PARVB: variants seen among roughly 807,000 people sequenced by gnomAD.
The protein encoded by PARVB is beta-parvin.
A neutral mutation model predicts 47.0 loss-of-function variants in PARVB; 46 were observed. That is an observed-to-expected ratio of 0.98 (90% CI 0.77 to 1.25). The LOEUF (loss-of-function observed/expected upper bound fraction) is 1.25. Ranked by LOEUF, PARVB falls within the 50% of genes most tolerant of loss-of-function variation. PARVB has a pLI of 0.00. For missense variants in PARVB, 473 were observed against 471.6 expected, an observed-to-expected ratio of 1.00 and a Z score of -0.03; for synonymous variants, 196 against 196.3, an observed-to-expected ratio of 1.00 and a Z score of 0.01.
chr22:44,060,183 G>A (rs1391283698), intron 1 of PARVB, among the ~76,000 whole-genome samples: 3 of 152,182 alleles, frequency 2.0e-5, no homozygotes, highest in East Asian at 1.9e-4. Flanking sequence ...GGGTGTGGTG[G>A]CAGCCACCTG....
At chr22:44,164,417 C>CG (rs1194120879) in intron 12 of PARVB, among the ~76,000 whole-genome samples, 2 of 143,292 alleles carry the variant, frequency 1.4e-5, no homozygotes, top group African/African-American at 6.0e-5. Flanking sequence ...TGTCCCCCCC[C>CG]CGGCTCCTGT....
chr22:44,082,673 A>G (rs2051933102), intron 1 of PARVB, among the ~76,000 whole-genome samples: 1 of 152,186 alleles, frequency 6.6e-6, no homozygotes, highest in Non-Finnish European at 1.5e-5. Flanking sequence ...TTTCTCGCCC[A>G]GGTGGGTTAG....
intron 11 of PARVB, among the ~76,000 whole-genome samples, chr22:44,162,404 C>T (rs534660241): frequency 6.6e-6 from 1 of 152,324 alleles, no homozygotes; most frequent in Non-Finnish European, 1.5e-5. Flanking sequence ...TCACTGCAAC[C>T]TCCGCCTCCT....
rs118179042 is a variant in PARVB, at chr22:44,155,879, G to A, written c.844-2103G>A. Among the ~76,000 whole-genome samples the A allele has an allele frequency of 1.1e-3, 164 of 152,260 alleles. 1 individual carries two copies. Among genetic ancestry groups the A allele is most frequent in the East Asian group, 9.3e-3 (48 of 5,160 alleles). ...CTGACAGCGTGTTGAATTTCCAGGC[G>A]CAGTGGCTCATGCCTGCAATCCTAG... is the stretch of plus-strand genomic sequence containing the variant. On this transcript the variant is annotated intron_variant, in intron 10 of 12. Coordinates refer to ENST00000338758, the MANE Select transcript of PARVB (RefSeq NM_013327.5). The surrounding 1 kb of genome is among the most constrained non-coding windows in gnomAD (Gnocchi z 4.8).
intron 1 of PARVB, among the ~76,000 whole-genome samples, chr22:44,033,955 C>T (rs1004953819): frequency 5.3e-5 from 8 of 152,022 alleles, no homozygotes; most frequent in African/African-American, 1.9e-4. Context: ...CCAGGCCCCA[C>T]TTTAAACATG....
upstream of PARVB, chr22:44,024,247 G>A: frequency 3.3e-6 from 2 of 601,466 alleles, no homozygotes; most frequent in Non-Finnish European, 4.2e-6. Context: ...ACCGGGGCGG[G>A]GGCCGGCGGC....
At chr22:44,097,130 C>A (rs757029322) in intron 2 of PARVB, among the ~76,000 whole-genome samples, 1 of 151,996 alleles carries the variant, frequency 6.6e-6, no homozygotes, top group African/African-American at 2.4e-5. Context: ...GATGGCATGG[C>A]GGCTGGTGTC....
chr22:44,147,566 A>T, intron 8 of PARVB: 1 of 512,614 alleles, frequency 2.0e-6, no homozygotes, highest in Non-Finnish European at 3.7e-6. Context: ...TGCAGATGCC[A>T]GATGCCATCT....
At chr22:44,033,158 G>A (rs1433250381) in intron 1 of PARVB, among the ~76,000 whole-genome samples, 4 of 151,966 alleles carry the variant, frequency 2.6e-5, no homozygotes, top group South Asian at 2.1e-4. Context: ...GCATGATCTC[G>A]GCTCACTGCA....
chr22:44,067,935 G>A (rs1313777828), intron 1 of PARVB, among the ~76,000 whole-genome samples: 7 of 152,126 alleles, frequency 4.6e-5, no homozygotes, highest in Non-Finnish European at 8.8e-5. Context: ...AGGGGTGACC[G>A]GCGGGTGAGC....
In PARVB at chr22:44,054,382, C is replaced by T. The variant is rs79916118; in HGVS notation, c.112+29931C>T. ...GCCGCGCACTACAACGCTTGGCTAA[C>T]TTTTAAATTCTTTTGTAAACACAAG... On this transcript the variant is annotated intron_variant, in intron 1 of 12. Transcript: ENST00000338758. 7.8e-3 allele frequency among the ~76,000 whole-genome samples: 1,194 copies of T among 152,222 alleles called. 17 individuals are homozygous for T. The highest frequency in any genetic ancestry group is 0.027 in the African/African-American group (1,132 of 41,536).
At chr22:44,158,792 G>A (rs1283708455) in intron 11 of PARVB, among the ~76,000 whole-genome samples, 2 of 152,186 alleles carry the variant, frequency 1.3e-5, no homozygotes, top group East Asian at 3.9e-4. Context: ...TTAAAAACTT[G>A]GCCATGGATG....
At chr22:44,144,383 C>A (rs979420088) in intron 8 of PARVB, 2 of 152,270 alleles carry the variant, frequency 1.3e-5, no homozygotes, top group African/African-American at 4.8e-5. Context: ...GTCCACACCC[C>A]CATCCCCAGG....
At chr22:44,161,693 A>C (rs1455599376) in intron 11 of PARVB, among the ~76,000 whole-genome samples, 1 of 151,982 alleles carries the variant, frequency 6.6e-6, no homozygotes, top group Non-Finnish European at 1.5e-5. Flanking sequence ...GATGATATTC[A>C]CCTCGTACAG....
chr22:44,053,138 C>T (rs1330898461), intron 1 of PARVB, among the ~76,000 whole-genome samples: 1 of 146,958 alleles, frequency 6.8e-6, no homozygotes, highest in African/African-American at 2.5e-5. Context: ...GGCTGGAGTG[C>T]ATTAGTGTGA....
At chr22:44,158,943 G>C (rs980968241) in intron 11 of PARVB, among the ~76,000 whole-genome samples, 2 of 152,222 alleles carry the variant, frequency 1.3e-5, no homozygotes, top group African/African-American at 4.8e-5. Context: ...TTATCAATCT[G>C]CCCACTTCTG....
At chr22:44,059,823 AT>A (rs1321632833) in intron 1 of PARVB, among the ~76,000 whole-genome samples, 4 of 152,172 alleles carry the variant, frequency 2.6e-5, no homozygotes, top group Non-Finnish European at 5.9e-5. Context: ...GCCTGCTGTC[AT>A]TTGGTTTTAA....
intron 1 of PARVB, among the ~76,000 whole-genome samples, chr22:44,039,364 A>G (rs902533350): frequency 4.6e-5 from 7 of 152,014 alleles, no homozygotes; most frequent in Non-Finnish European, 1.0e-4. Flanking sequence ...CAGTCTGGCC[A>G]ACATGACGAA....
At chr22:44,088,382 G>A (rs1408561475) in intron 1 of PARVB, among the ~76,000 whole-genome samples, 1 of 152,158 alleles carries the variant, frequency 6.6e-6, no homozygotes, top group Non-Finnish European at 1.5e-5. Flanking sequence ...TGCAAGATCA[G>A]GTAGAACTGG....
Sources: gnomAD v4.1 joint callset for allele counts (sites outside exome capture counted in the v4.1 genomes callset) on GRCh38, gnomAD v4.1.1 for gene constraint, Gnocchi (gnomAD v3.1) non-coding constraint, MANE v1.5 for transcripts, NCBI Gene and HGNC (gene_info 2026-07-23, HGNC 2026-07-21) for gene names.